PARPBP: variants seen among roughly 807,000 people sequenced by gnomAD.
PARPBP encodes the protein PCNA-interacting partner.
A neutral mutation model predicts 50.0 loss-of-function variants in PARPBP; 52 were observed. The observed-to-expected ratio is 1.04, with a 90% confidence interval of 0.83 to 1.31. The LOEUF is 1.31. Ranked by LOEUF, PARPBP falls within the 50% of genes most tolerant of loss-of-function variation. PARPBP has a pLI of 0.00. For synonymous variants in PARPBP, 244 were observed against 232.1 expected, an observed-to-expected ratio of 1.05 and a Z score of -0.47; for missense variants, 697 against 672.0, an observed-to-expected ratio of 1.04 and a Z score of -0.41.
chr12:102,185,811 G>A (rs1272930560), intron 9 of PARPBP, among the ~76,000 whole-genome samples: 1 of 151,934 alleles, frequency 6.6e-6, no homozygotes, highest in Non-Finnish European at 1.5e-5. Flanking sequence ...CCACCACCAT[G>A]CCCAGCTAGT....
At chr12:102,136,777 A>C (rs1175282172) in intron 2 of PARPBP, among the ~76,000 whole-genome samples, 1 of 152,180 alleles carries the variant, frequency 6.6e-6, no homozygotes, top group African/African-American at 2.4e-5. Flanking sequence ...CTGTGCTCTG[A>C]CTTCCAAGCA....
chr12:102,173,603 A>T (rs185379631), intron 6 of PARPBP, among the ~76,000 whole-genome samples: 3,834 of 151,896 alleles, frequency 0.025, 64 homozygotes, highest in Non-Finnish European at 0.033. Context: ...ATTTTTTTTT[A>T]AAAAAAACTT....
At chr12:102,195,519 A>T (rs1891219718) in intron 10 of PARPBP, 72 bp downstream of exon 10, 2 of 1,244,708 alleles carry the variant, frequency 1.6e-6, no homozygotes, top group African/African-American at 3.1e-5. Flanking sequence ...ACTTAAGTAA[A>T]ATTAGGTTAT....
intron 2 of PARPBP, among the ~76,000 whole-genome samples, chr12:102,127,470 A>T (rs1309744074): frequency 6.6e-6 from 1 of 152,018 alleles, no homozygotes; most frequent in Admixed American, 6.6e-5. Flanking sequence ...CCCTCTTTCC[A>T]TATTAGATGT....
intron 9 of PARPBP, among the ~76,000 whole-genome samples, chr12:102,185,917 G>T (rs1230492392): frequency 1.3e-5 from 2 of 152,124 alleles, no homozygotes; most frequent in Admixed American, 1.3e-4. Context: ...GCCTCCCAAA[G>T]TGCTGGGATT....
rs4764690 is a variant in PARPBP, at chr12:102,190,937, T to C, written c.1264-4375T>C. On this transcript the variant is annotated intron_variant, in intron 9 of 10. Coordinates refer to ENST00000327680, the MANE Select transcript of PARPBP (RefSeq NM_017915.5). ...ATAAGTAGGAGTCTCCTTGAGAAGG[T>C]TGACATTCAGCAAAGTCTATAAGGG... 3.9e-5 allele frequency among the ~76,000 whole-genome samples: 6 copies of C among 152,256 alleles called. No homozygotes were observed. The South Asian group carries it at 6.2e-4, about 16-fold the overall frequency.
chr12:102,135,110 G>A (rs942169099), intron 2 of PARPBP, among the ~76,000 whole-genome samples: 1 of 152,122 alleles, frequency 6.6e-6, no homozygotes, highest in Non-Finnish European at 1.5e-5. Context: ...GAATTAAATT[G>A]ACATAAGGCA....
At chr12:102,127,002 TTGAAA>T (rs1882097497) in intron 2 of PARPBP, among the ~76,000 whole-genome samples, 1 of 152,232 alleles carries the variant, frequency 6.6e-6, no homozygotes, top group East Asian at 1.9e-4. Context: ...TAGTTTTGCC[TTGAAA>T]TGAAATGTTT....
intron 7 of PARPBP, among the ~76,000 whole-genome samples, chr12:102,175,884 A>G (rs1889224905): frequency 6.6e-6 from 1 of 152,168 alleles, no homozygotes; most frequent in Non-Finnish European, 1.5e-5. Context: ...TGAATTTGTT[A>G]AAGTAAGGCA....
chr12:102,187,567 A>C (rs1325434421), intron 9 of PARPBP, among the ~76,000 whole-genome samples: 1 of 152,146 alleles, frequency 6.6e-6, no homozygotes, highest in East Asian at 1.9e-4. Flanking sequence ...TCTGGTATAT[A>C]CAATATGTAA....
chr12:102,164,266 A>C (rs534842671), intron 4 of PARPBP, among the ~76,000 whole-genome samples, 172 bp from the exon 5 acceptor site: 1 of 152,018 alleles, frequency 6.6e-6, no homozygotes, highest in East Asian at 1.9e-4. Flanking sequence ...ATTTGGGGAG[A>C]GATGGAGTTT....
intron 9 of PARPBP, among the ~76,000 whole-genome samples, chr12:102,193,941 A>G (rs1891031601): frequency 6.6e-6 from 1 of 152,044 alleles, no homozygotes; most frequent in African/African-American, 2.4e-5. Context: ...TTATGCTTAA[A>G]TGGAAGATAA....
Position 102,178,778 on chromosome 12 carries a change from A to ATGTGGAAGTTAT in PARPBP, c.1184+9_1184+20dup. ...TATTCTTACACTTTTTAGGTAAGTT[A>ATGTGGAAGTTAT]TGTGGAAGTTATATGTGTTATAAAT... is the stretch of plus-strand genomic sequence containing the variant. On this transcript the variant is annotated intron_variant, in intron 8 of 10. Transcript: ENST00000327680. 6.4e-7 allele frequency: 1 copy of ATGTGGAAGTTAT among 1,560,790 alleles called. No individual in the cohort carries two copies. The highest frequency in any genetic ancestry group is 8.7e-7 in the Non-Finnish European group (1 of 1,144,788).
At chr12:102,171,854 A>G (rs1018265693) in intron 6 of PARPBP, among the ~76,000 whole-genome samples, 55 of 151,488 alleles carry the variant, frequency 3.6e-4, no homozygotes, top group Admixed American at 3.2e-3. Context: ...GGGCAACAGA[A>G]CGAGACTCCG....
At chr12:102,131,387 T>TG (rs2137421850) in intron 2 of PARPBP, among the ~76,000 whole-genome samples, 1 of 152,244 alleles carries the variant, frequency 6.6e-6, no homozygotes, top group African/African-American at 2.4e-5. Context: ...TATACACTGT[T>TG]GGGGGAGTGT....
intron 9 of PARPBP, among the ~76,000 whole-genome samples, chr12:102,186,633 A>G (rs1004535035): frequency 6.6e-6 from 1 of 152,136 alleles, no homozygotes; most frequent in Non-Finnish European, 1.5e-5. Context: ...TTTCAAGGAG[A>G]TACCTCCTTA....
chr12:102,157,618 T>C (rs1220625095), intron 4 of PARPBP, among the ~76,000 whole-genome samples: 1 of 152,234 alleles, frequency 6.6e-6, no homozygotes, highest in Admixed American at 6.5e-5. Context: ...TTTCATTTTA[T>C]ATCTTATTGG....
chr12:102,162,199 C>A (rs1304254241), intron 4 of PARPBP, among the ~76,000 whole-genome samples: 1 of 151,920 alleles, frequency 6.6e-6, no homozygotes, highest in Non-Finnish European at 1.5e-5. Flanking sequence ...TTTTTAGTTT[C>A]TTTTATGCTT....
At position 102,123,886 on chromosome 12, in the gene PARPBP, A is replaced by G. The variant is rs1881538513; in HGVS notation, c.-3A>G. 1 of 1,533,022 alleles carries G rather than the reference A, an allele frequency of 6.5e-7. No individual in the cohort carries two copies. The highest frequency in any genetic ancestry group is 1.7e-4 in the Middle Eastern group (1 of 5,984). 95.0% of individuals were successfully genotyped at this position (1,533,022 alleles called of 1,614,324 possible). A position where few individuals can be genotyped will look rare whatever the true frequency, so the allele number is the denominator to read the frequency against. ...ACTTTGTATTCTGTCCTACTTTAAG[A>G]TAATGGCTGTGTTTAATCAGAAGTC... On this transcript the variant is annotated splice_region_variant and 5_prime_UTR_variant, in exon 2 of 11. Coordinates refer to ENST00000327680, the MANE Select transcript of PARPBP (RefSeq NM_017915.5).
Sources: allele counts gnomAD v4.1 joint callset (sites outside exome capture counted in the v4.1 genomes callset), GRCh38; gene constraint gnomAD v4.1.1; transcripts MANE v1.5; gene names NCBI Gene and HGNC (gene_info 2026-07-23, HGNC 2026-07-21).